The following ELK3 variants were observed in gnomAD, a reference collection of about 807,000 sequenced individuals.
ELK3 encodes ETS transcription factor ELK3.
Under a neutral mutation model 28.9 loss-of-function variants are expected in ELK3, and 10 were observed. The observed-to-expected ratio is 0.35, with a 90% CI of 0.21 to 0.59. The LOEUF (loss-of-function observed/expected upper bound fraction) is 0.59, where lower values mean the gene tolerates loss of function less well. Ranked by LOEUF, ELK3 falls within the 20% of genes least tolerant of loss-of-function variation. ELK3 has a pLI of 0.82. For synonymous variants in ELK3, 272 were observed against 243.5 expected (o/e 1.12, Z -1.09); for missense variants, 463 against 517.3 (o/e 0.90, Z 1.02).
intron 4 of ELK3, among the ~76,000 whole-genome samples, chr12:96,264,712 G>A (rs1000387026): frequency 6.6e-6 from 1 of 152,170 alleles, no homozygotes; most frequent in South Asian, 2.1e-4. Flanking sequence ...TTGAGCCCTG[G>A]AGGTTGAGGC....
At chr12:96,235,704 C>G (rs138298927) in intron 2 of ELK3, among the ~76,000 whole-genome samples, 162 of 152,288 alleles carry the variant, frequency 1.1e-3, no homozygotes, top group African/African-American at 3.8e-3. Flanking sequence ...CCCGGCCATG[C>G]CATCTGCCAG....
intron 2 of ELK3, among the ~76,000 whole-genome samples, chr12:96,229,921 G>T (rs1951729153): frequency 6.6e-6 from 1 of 152,044 alleles, no homozygotes; most frequent in Non-Finnish European, 1.5e-5. Flanking sequence ...CGTCTGTAAA[G>T]ACCCCTTTCT....
At chr12:96,241,287 TTC>T (rs1951819077) in intron 2 of ELK3, among the ~76,000 whole-genome samples, 1 of 152,220 alleles carries the variant, frequency 6.6e-6, no homozygotes, top group Non-Finnish European at 1.5e-5. Flanking sequence ...GTAAATCTAA[TTC>T]CATATGCATC....
intron 3 of ELK3, among the ~76,000 whole-genome samples, chr12:96,252,817 A>G (rs35786763): frequency 0.052 from 7,884 of 152,328 alleles, 270 homozygotes; most frequent in Non-Finnish European, 0.064. Context: ...CAAAGGACTG[A>G]GAATATTACA....
intron 1 of ELK3, among the ~76,000 whole-genome samples, chr12:96,195,618 C>A (rs1298879898): frequency 1.3e-5 from 2 of 151,812 alleles, no homozygotes; most frequent in African/African-American, 4.8e-5. Context: ...GAGGTGGAAG[C>A]AAGAAATGTT....
At chr12:96,251,630 G>A (rs1951907508) in intron 3 of ELK3, among the ~76,000 whole-genome samples, 3 of 152,174 alleles carry the variant, frequency 2.0e-5, no homozygotes, top group Admixed American at 6.5e-5. Flanking sequence ...TGAATGATAA[G>A]AAAGTGGGAC....
chr12:96,198,185 T>C (rs1487939277), intron 1 of ELK3: 1 of 152,214 alleles, frequency 6.6e-6, no homozygotes, highest in African/African-American at 2.4e-5. Context: ...TGCCTTCCAA[T>C]TCTAAGGAAT....
rs983330792 is a variant in ELK3, at chr12:96,247,972, G to A, written c.1002+238G>A. On this transcript the variant is annotated intron_variant, in intron 3 of 4. Transcript: ENST00000228741. This position sits in a 1 kb window ranked among gnomAD's most constrained non-coding sequence, Gnocchi z 5.5. Reference sequence around the variant, plus strand: ...GCTTGATTGGTTTCTTGCTTTTAGCGGCCTAAAGTGACCATAGGTGGAACA... The same window carrying A: ...GCTTGATTGGTTTCTTGCTTTTAGCAGCCTAAAGTGACCATAGGTGGAACA... Among the ~76,000 whole-genome samples the A allele has an allele frequency of 1.6e-4, 24 of 152,172 alleles. No individual in the cohort carries two copies. The highest frequency in any genetic ancestry group is 5.8e-4 in the African/African-American group (24 of 41,442).
intron 2 of ELK3, among the ~76,000 whole-genome samples, chr12:96,228,512 G>A (rs1389559532): frequency 8.6e-5 from 13 of 151,536 alleles, no homozygotes; most frequent in Admixed American, 5.3e-4. Flanking sequence ...CCGGATCTGA[G>A]TATTATGGCC....
At chr12:96,260,395 T>C (rs1216224528) in intron 4 of ELK3, among the ~76,000 whole-genome samples, 2 of 152,234 alleles carry the variant, frequency 1.3e-5, no homozygotes, top group Non-Finnish European at 2.9e-5. Flanking sequence ...AAAATAAAAA[T>C]AGTGAACAAT....
chr12:96,233,442 T>C (rs1363324627), intron 2 of ELK3, among the ~76,000 whole-genome samples: 1 of 152,200 alleles, frequency 6.6e-6, no homozygotes, highest in Non-Finnish European at 1.5e-5. Flanking sequence ...ACCTCTTGGC[T>C]TAGCCTCACG....
chr12:96,224,378 C>T lies in ELK3; in HGVS notation c.207+605C>T, dbSNP rs189351122. 2.3e-4 allele frequency among the ~76,000 whole-genome samples: 34 copies of T among 148,264 alleles called. No individual in the cohort carries two copies. The East Asian group carries it at 6.4e-3, about 28-fold the overall frequency. On this transcript the variant is annotated intron_variant, in intron 2 of 4. Coordinates refer to ENST00000228741, the MANE Select transcript of ELK3 (RefSeq NM_005230.4). Reference sequence around the variant, plus strand: ...ATTGTGATGACCAACCGAGCCATTACGTGTAAGTACTTAGAACACTGCTAA... The same window carrying T: ...ATTGTGATGACCAACCGAGCCATTATGTGTAAGTACTTAGAACACTGCTAA...
chr12:96,235,299 C>T (rs1248756395), intron 2 of ELK3, among the ~76,000 whole-genome samples: 1 of 151,424 alleles, frequency 6.6e-6, no homozygotes, highest in Non-Finnish European at 1.5e-5. Flanking sequence ...CTCTCTCTGC[C>T]TCCTCCAGCT....
intron 1 of ELK3, among the ~76,000 whole-genome samples, chr12:96,215,696 T>C (rs1475263424): frequency 1.4e-5 from 2 of 146,770 alleles, no homozygotes; most frequent in African/African-American, 5.1e-5. Flanking sequence ...AGTGCAGTGG[T>C]GCAATCACAG....
chr12:96,239,432 C>T (rs1335535064), intron 2 of ELK3, among the ~76,000 whole-genome samples: 1 of 152,170 alleles, frequency 6.6e-6, no homozygotes, highest in African/African-American at 2.4e-5. Flanking sequence ...AACCTACCCC[C>T]AGGTGGTGGA....
intron 1 of ELK3, among the ~76,000 whole-genome samples, chr12:96,222,256 C>T (rs10735342): frequency 0.87 from 132,564 of 152,192 alleles, 57,854 homozygotes; most frequent in East Asian, 1. Flanking sequence ...TGGGGAAAAA[C>T]TTCCTTGAGA....
chr12:96,252,820 A>G (rs978310507), intron 3 of ELK3, among the ~76,000 whole-genome samples: 5 of 152,074 alleles, frequency 3.3e-5, no homozygotes, highest in Non-Finnish European at 5.9e-5. Context: ...AGGACTGAGA[A>G]TATTACATAA....
chr12:96,225,529 G>T (rs775166596), intron 2 of ELK3, among the ~76,000 whole-genome samples: 2 of 152,224 alleles, frequency 1.3e-5, no homozygotes, highest in Non-Finnish European at 2.9e-5. Flanking sequence ...CTAAGGTGCT[G>T]TGCTGAGCAC....
chr12:96,263,898 C>G (rs1193391814), intron 4 of ELK3, among the ~76,000 whole-genome samples: 1 of 152,150 alleles, frequency 6.6e-6, no homozygotes, highest in Non-Finnish European at 1.5e-5. Flanking sequence ...GATGAGATCT[C>G]TGTTTTAGAG....
Sources: allele counts gnomAD v4.1 joint callset (sites outside exome capture counted in the v4.1 genomes callset), GRCh38; gene constraint gnomAD v4.1.1; non-coding constraint Gnocchi (gnomAD v3.1); transcripts MANE v1.5; gene names NCBI Gene and HGNC (gene_info 2026-07-23, HGNC 2026-07-21).